The following COXFA4L2 variants were observed in gnomAD, a reference collection of about 807,000 sequenced individuals.
The protein encoded by COXFA4L2 is NADH dehydrogenase (ubiquinone) 1 alpha subcomplex, 4-like 2.
At chr12:57,236,058 G>T in the COXFA4L2 span, 1 of 409,870 alleles carries the variant, frequency 2.4e-6, no homozygotes, top group East Asian at 3.5e-5. Context: ...ACGGGGCCCA[G>T]GGACTCCCAC....
the COXFA4L2 span, chr12:57,237,336 C>G: frequency 9.9e-6 from 14 of 1,413,674 alleles, no homozygotes; most frequent in African/African-American, 2.9e-5. Context: ...ATGTCTGCAC[C>G]TGGACCAAGG....
At chr12:57,237,151 C>A in the COXFA4L2 span, 16 of 1,613,708 alleles carry the variant, frequency 9.9e-6, no homozygotes, top group South Asian at 1.8e-4. Context: ...GGGGTCCCGC[C>A]CCTGAGTGGG....
the COXFA4L2 span, among the ~76,000 whole-genome samples, chr12:57,239,198 G>T: frequency 2.0e-4 from 30 of 152,388 alleles, no homozygotes; most frequent in African/African-American, 7.2e-4. This position sits in a 1 kb window ranked among gnomAD's most constrained non-coding sequence, Gnocchi z 5.5. Flanking sequence ...GATCGAGCGT[G>T]TTGCAGGGGC....
chr12:57,239,349 C>T, the COXFA4L2 span, among the ~76,000 whole-genome samples: 1 of 152,248 alleles, frequency 6.6e-6, no homozygotes, highest in African/African-American at 2.4e-5. The surrounding 1 kb of genome is among the most constrained non-coding windows in gnomAD (Gnocchi z 5.5). Flanking sequence ...CCGTCCACGC[C>T]CAGCCCGTCA....
the COXFA4L2 span, chr12:57,237,327 T>A: frequency 2.1e-6 from 3 of 1,418,674 alleles, no homozygotes; most frequent in East Asian, 5.1e-5. Flanking sequence ...CTCCTCCAGA[T>A]GTCTGCACCT....
the COXFA4L2 span, chr12:57,237,845 C>T: frequency 6.5e-6 from 1 of 154,450 alleles, no homozygotes; most frequent in African/African-American, 2.4e-5. Context: ...GGAGGCCATC[C>T]ACTTCCTCTG....
At chr12:57,235,641 G>A in the COXFA4L2 span, 4 of 1,613,950 alleles carry the variant, frequency 2.5e-6, no homozygotes. Context: ...GGGAAAGGGG[G>A]TTGCGCTGAG....
At chr12:57,235,744 G>A in the COXFA4L2 span, 2 of 1,603,110 alleles carry the variant, frequency 1.2e-6, no homozygotes, top group Admixed American at 1.7e-5. Flanking sequence ...GCCATCGAGA[G>A]GTACCTTGTA....
chr12:57,237,384 A>T, the COXFA4L2 span: 209 of 1,345,494 alleles, frequency 1.6e-4, no homozygotes, highest in African/African-American at 2.9e-3. Flanking sequence ...ATCTGAGGGA[A>T]GGACCTCAGT....
the COXFA4L2 span, chr12:57,237,380 G>A: frequency 7.4e-7 from 1 of 1,358,708 alleles, no homozygotes; most frequent in Non-Finnish European, 9.5e-7. Flanking sequence ...TGGCATCTGA[G>A]GGAAGGACCT....
chr12:57,237,129 C>CT, the COXFA4L2 span: 1 of 1,614,144 alleles, frequency 6.2e-7, no homozygotes, highest in Non-Finnish European at 8.5e-7. Context: ...GCTCTGTCCT[C>CT]TCCCTCCTCC....
At chr12:57,237,433 A>T in the COXFA4L2 span, 7 of 1,048,014 alleles carry the variant, frequency 6.7e-6, no homozygotes, top group Non-Finnish European at 7.5e-6. Context: ...AGGCATGGCC[A>T]TGGGACAGGC....
the COXFA4L2 span, chr12:57,235,137 G>A: frequency 8.9e-5 from 18 of 201,534 alleles, no homozygotes; most frequent in Admixed American, 1.1e-4. Context: ...GAGCAGCGCC[G>A]CCCCTGGGCT....
the COXFA4L2 span, chr12:57,235,577 G>A: frequency 1.6e-4 from 263 of 1,613,932 alleles, no homozygotes; most frequent in Non-Finnish European, 2.0e-4. Flanking sequence ...AAGTCTGGCC[G>A]GTCCTTCTTC....
chr12:57,237,725 C>T, the COXFA4L2 span: 1 of 155,188 alleles, frequency 6.4e-6, no homozygotes, highest in African/African-American at 2.4e-5. Context: ...TTAATCATGG[C>T]TCAGGATAGA....
At chr12:57,237,293 A>G in the COXFA4L2 span, 1 of 1,433,572 alleles carries the variant, frequency 7.0e-7, no homozygotes. Context: ...TCTGGGAGCC[A>G]AGTGGTTTCT....
the COXFA4L2 span, chr12:57,235,590 C>T: frequency 2.5e-6 from 4 of 1,614,066 alleles, no homozygotes; most frequent in Non-Finnish European, 3.4e-6. Flanking sequence ...CCTTCTTCAG[C>T]TTCTTATAGT....
At chr12:57,238,970 T>G in the COXFA4L2 span, among the ~76,000 whole-genome samples, 1 of 152,240 alleles carries the variant, frequency 6.6e-6, no homozygotes, top group Admixed American at 6.5e-5. This position sits in a 1 kb window ranked among gnomAD's most constrained non-coding sequence, Gnocchi z 6.8. Context: ...ACAGGACTCC[T>G]TGGGTTCCGG....
chr12:57,236,722 C>T, the COXFA4L2 span: 1 of 1,499,256 alleles, frequency 6.7e-7, no homozygotes, highest in South Asian at 1.3e-5. Flanking sequence ...TCAGCCCTCT[C>T]CCCGCAGTTC....
Sources: allele counts gnomAD v4.1 joint callset (sites outside exome capture counted in the v4.1 genomes callset), GRCh38; gene constraint gnomAD v4.1.1; non-coding constraint Gnocchi (gnomAD v3.1); transcripts MANE v1.5; gene names NCBI Gene and HGNC (gene_info 2026-07-23, HGNC 2026-07-21).